Variants in SBK2 observed in about 807,000 individuals in gnomAD.
The protein encoded by SBK2 is serine/threonine-protein kinase SBK2.
SBK2 carries 18 observed loss-of-function variants against 15.9 expected under a neutral mutation model. The observed-to-expected ratio is 1.13, with a 90% confidence interval of 0.78 to 1.68. The LOEUF is 1.68. Ranked by LOEUF, SBK2 falls within the 40% of genes most tolerant of loss-of-function variation. The pLI is 0.00. For synonymous variants in SBK2, 284 were observed against 246.8 expected (o/e 1.15, Z -1.41); for missense variants, 581 against 510.9 (o/e 1.14, Z -1.32).
At position 55,529,806 on chromosome 19, in the gene SBK2, A is replaced by G; in HGVS notation, c.974T>C (p.Leu325Pro). ...CTCCCGCTGCCTCCAGGGGCGCCCC[A>G]GGTGCTCCCTGATGGCGATCACAGC... Reference protein sequence around the residue: ...RSAVIAIREHLGRPWRQREGE... With the variant: ...RSAVIAIREHPGRPWRQREGE... Residue 325 changes from leucine (L) to proline (P), a missense_variant, in exon 4 of 4, where the codon CTG becomes CCG. Physicochemically the swap from Leu to Pro is moderately conservative, Grantham distance 98. Transcript: ENST00000413299. 1 of 1,604,420 alleles carries G rather than the reference A, an allele frequency of 6.2e-7. No individual in the cohort carries two copies. Among genetic ancestry groups the G allele is most frequent in the Non-Finnish European group, 8.5e-7 (1 of 1,179,590 alleles).
At position 55,529,994 on chromosome 19, in the gene SBK2, G is replaced by C; in HGVS notation, c.786C>G (p.Pro262=). ...LLFCLLTGYF[P]WDRPLAEADP... is the part of the protein sequence containing the mutation. ...CGGCCTCGGCCAGGGGCCGGTCCCAGGGGAAGTAGCCCGTGAGGAGGCAGA... is the reference window on the plus strand; with the variant it reads ...CGGCCTCGGCCAGGGGCCGGTCCCACGGGAAGTAGCCCGTGAGGAGGCAGA... Residue 262 remains proline (P), a synonymous_variant, in exon 4 of 4, where the codon CCC becomes CCG. Coordinates refer to ENST00000413299, the MANE Select transcript of SBK2 (RefSeq NM_001370096.2). 3 of 1,525,350 alleles carry C rather than the reference G, an allele frequency of 2.0e-6. No homozygotes were observed. Among genetic ancestry groups the C allele is most frequent in the Non-Finnish European group, 2.6e-6 (3 of 1,138,494 alleles). The allele number at this position is 1,525,350 out of a possible 1,614,324, so 94.5% of individuals were successfully genotyped here.
In SBK2 at chr19:55,529,602, G is replaced by C. The variant is rs890644878; in HGVS notation, c.*131C>G. ...AGGGAGGAATGCAGCCTGCAGAGAG[G>C]AGAGAGGAGGAGGACGCCGAGGGGA... On this transcript the variant is annotated 3_prime_UTR_variant, in exon 4 of 4. Transcript: ENST00000413299. 10 of 799,672 alleles carry C rather than the reference G, an allele frequency of 1.3e-5. No homozygotes were observed. In the African/African-American group the frequency reaches 1.6e-4, roughly 13 times the overall value. The allele number at this position is 799,672 out of a possible 1,614,324, so 49.5% of individuals were successfully genotyped here. A position where few individuals can be genotyped will look rare whatever the true frequency, so the allele number is the denominator to read the frequency against.
chr19:55,537,117 C>T lies in SBK2; in HGVS notation c.-66G>A, dbSNP rs1306549419. 6.5e-6 allele frequency: 1 copy of T among 152,730 alleles called. No individual in the cohort carries two copies. Among genetic ancestry groups the T allele is most frequent in the African/African-American group, 2.4e-5 (1 of 41,464 alleles). The allele number at this position is 152,730 out of a possible 1,614,324, so 9.5% of individuals were successfully genotyped here. ...TGGTCAGTGCCCGGCACTTAGGGCT[C>T]ATGCCAGCAGAGGCCTGCCTAGGAG... On this transcript the variant is annotated 5_prime_UTR_variant, in exon 1 of 4. It removes an upstream start codon present in the reference 5' UTR. Coordinates refer to ENST00000413299, the MANE Select transcript of SBK2 (RefSeq NM_001370096.2).
chr19:55,531,303 G>A lies in SBK2; in HGVS notation c.296C>T (p.Ser99Phe). 1 of 1,612,962 alleles carries A rather than the reference G, an allele frequency of 6.2e-7. No individual in the cohort carries two copies. The highest frequency in any genetic ancestry group is 8.5e-7 in the Non-Finnish European group (1 of 1,179,612). Residue 99 changes from serine to phenylalanine, a missense_variant, in exon 3 of 4, where the codon TCC becomes TTC. Transcript: ENST00000413299. ...ALKQLPKPRT[S>F]LRGFLYEFCV... is the part of the protein sequence containing the mutation. ...GAACTCGTACAGGAAGCCACGGAGG[G>A]ACGTGCGGGGTTTCGGGAGCTGCTT...
rs191800384 is a variant in SBK2 at position 55,528,961 on chromosome 19, G to A, written c.*772C>T. On this transcript the variant is annotated 3_prime_UTR_variant, in exon 4 of 4. Coordinates refer to ENST00000413299, the MANE Select transcript of SBK2 (RefSeq NM_001370096.2). ...AGCAACAGCAGAGTGGGGGGATGAG[G>A]AGGCAGACAGTAAGCATTTACAACG... 3.2e-3 allele frequency among the ~76,000 whole-genome samples: 487 copies of A among 152,306 alleles called. 1 individual carries two copies. Among genetic ancestry groups the A allele is most frequent in the African/African-American group, 0.011 (476 of 41,556 alleles).
At chr19:55,533,246 G>T (rs558317051) in intron 2 of SBK2, among the ~76,000 whole-genome samples, 1 of 151,966 alleles carries the variant, frequency 6.6e-6, no homozygotes, top group African/African-American at 2.4e-5. Flanking sequence ...CAGGAGAATT[G>T]CTTGAACCCA....
chr19:55,533,717 T>C (rs767952826), intron 2 of SBK2, among the ~76,000 whole-genome samples: 1 of 138,610 alleles, frequency 7.2e-6, no homozygotes. Flanking sequence ...TCCTTCCTTA[T>C]CAAAAACACC....
At position 55,536,104 on chromosome 19, in the gene SBK2, T is replaced by C; in HGVS notation, c.191A>G (p.Glu64Gly). 1 of 1,541,728 alleles carries C rather than the reference T, an allele frequency of 6.5e-7. No homozygotes were observed. The highest frequency in any genetic ancestry group is 8.8e-7 in the Non-Finnish European group (1 of 1,140,248). Residue 64 changes from glutamate (E) to glycine (G), a missense_variant, in exon 2 of 4, where the codon GAA becomes GGA. Coordinates refer to ENST00000413299, the MANE Select transcript of SBK2 (RefSeq NM_001370096.2). ...GCAACCCTGGCCCAGGGGACGCACT[T>C]CCTCGTAGAGCTCGTCCACCTCGGC... Reference protein sequence around the residue: ...VRAEVDELYEEVRPLGQGCYG... With the variant: ...VRAEVDELYEGVRPLGQGCYG...
chr19:55,530,359 G>T, intron 3 of SBK2, 36 bp from the exon 4 acceptor site: 1 of 1,394,232 alleles, frequency 7.2e-7, no homozygotes, highest in Non-Finnish European at 9.3e-7. Flanking sequence ...GTGCCCCGGG[G>T]CCACGGAAGG....
intron 2 of SBK2, among the ~76,000 whole-genome samples, chr19:55,535,463 T>G (rs1017617316): frequency 6.6e-6 from 1 of 152,166 alleles, no homozygotes; most frequent in African/African-American, 2.4e-5. Context: ...CCCCAGCAAC[T>G]AGAGCAGTCC....
Position 55,529,680 on chromosome 19 carries a change from C to A in SBK2, c.*53G>T, listed in dbSNP as rs59914207. 433,378 of 1,570,576 alleles carry A rather than the reference C, an allele frequency of 0.28. 62,713 individuals carry two copies. Among genetic ancestry groups the A allele is most frequent in the East Asian group, 0.51 (22,396 of 44,060 alleles). ...CCGAGGAGACACCAAAAGCCGTTGG[C>A]CTTGGGGGCCTCGGGTGGGGCGGCT... On this transcript the variant is annotated 3_prime_UTR_variant, in exon 4 of 4. Coordinates refer to ENST00000413299, the MANE Select transcript of SBK2 (RefSeq NM_001370096.2).
At position 55,529,924 on chromosome 19, in the gene SBK2, G is replaced by T; in HGVS notation, c.856C>A (p.Pro286Thr). The T allele has an allele frequency of 1.3e-6, 2 of 1,533,298 alleles. No individual in the cohort carries two copies. Among genetic ancestry groups the T allele is most frequent in the Non-Finnish European group, 8.7e-7 (1 of 1,143,042 alleles). The allele number at this position is 1,533,298 out of a possible 1,614,324, so 95.0% of individuals were successfully genotyped here. A position where few individuals can be genotyped will look rare whatever the true frequency, so the allele number is the denominator to read the frequency against. The change falls in exon 4 of 4, where the codon CCC becomes ACC. Residue 286 changes from proline (P) to threonine (T), a missense_variant. Pro to Thr is a conservative substitution (Grantham distance 38). Transcript: ENST00000413299. ...AACCAGGGCTGAGGGCGGTCCCGGG[G>T]CTGGCCCGACGCCTGCCAGATGAGG... ...DFLIWQASGQ[P>T]RDRPQPWFGL...
At chr19:55,532,295 C>CTTTTTTTT (rs540857379) in intron 2 of SBK2, among the ~76,000 whole-genome samples, 2 of 77,064 alleles carry the variant, frequency 2.6e-5, no homozygotes, top group Non-Finnish European at 4.8e-5. Flanking sequence ...TGATGTCTTC[C>CTTTTTTTT]TTTTTTTTTT....
In SBK2 at chr19:55,529,382, C is replaced by A. The variant is rs565267353; in HGVS notation, c.*351G>T. Among the ~76,000 whole-genome samples, 262 of 152,188 alleles carry A rather than the reference C, an allele frequency of 1.7e-3. No homozygotes were observed. The highest frequency in any genetic ancestry group is 6.0e-3 in the African/African-American group (249 of 41,534). On this transcript the variant is annotated 3_prime_UTR_variant, in exon 4 of 4. Transcript: ENST00000413299. ...CTGCACTCCAGCCTGGGAGACAGAG[C>A]GAGACCCTGTCTCAAAAAAAATAAA...
intron 2 of SBK2, among the ~76,000 whole-genome samples, chr19:55,532,619 AAG>A: frequency 2.2e-5 from 1 of 46,266 alleles, no homozygotes; most frequent in East Asian, 3.7e-4. Flanking sequence ...TTTTTTTTTT[AAG>A]ACAGGGTCTT....
chr19:55,529,595 C>CAGAGAGG lies in SBK2; in HGVS notation c.*131_*137dup, dbSNP rs71830799. On this transcript the variant is annotated 3_prime_UTR_variant, in exon 4 of 4. Coordinates refer to ENST00000413299, the MANE Select transcript of SBK2 (RefSeq NM_001370096.2). ...TGGACCAAGGGAGGAATGCAGCCTGCAGAGAGGAGAGAGGAGGAGGACGCC... is the reference window on the plus strand; with the variant it reads ...TGGACCAAGGGAGGAATGCAGCCTGCAGAGAGGAGAGAGGAGAGAGGAGGAGGACGCC... 1 of 1,257,428 alleles carries CAGAGAGG rather than the reference C, an allele frequency of 8.0e-7. No homozygotes were observed. Among genetic ancestry groups the CAGAGAGG allele is most frequent in the Non-Finnish European group, 1.1e-6 (1 of 937,648 alleles). The allele number at this position is 1,257,428 out of a possible 1,614,324, so 77.9% of individuals were successfully genotyped here. A position where few individuals can be genotyped will look rare whatever the true frequency, so the allele number is the denominator to read the frequency against.
rs749649082 is a variant in SBK2, at chr19:55,531,283, C to G, written c.316G>C (p.Glu106Gln). The change falls in exon 3 of 4, where the codon GAG becomes CAG. Residue 106 changes from glutamate to glutamine, a missense_variant. Glu to Gln is a conservative substitution (Grantham distance 29). Coordinates refer to ENST00000413299, the MANE Select transcript of SBK2 (RefSeq NM_001370096.2). ...PRTSLRGFLY[E>Q]FCVGLSLGAH... ...CCCAGCGAGAGCCCCACACAGAACT[C>G]GTACAGGAAGCCACGGAGGGACGTG... 6.2e-7 allele frequency: 1 copy of G among 1,613,650 alleles called. No individual in the cohort carries two copies. The highest frequency in any genetic ancestry group is 1.1e-5 in the South Asian group (1 of 91,058).
rs201203472 is a variant in SBK2, at chr19:55,531,451, CTT to C, written c.254-108_254-107del. 2,187 of 853,516 alleles carry C rather than the reference CTT, an allele frequency of 2.6e-3. 28 individuals carry two copies. In the African/African-American group the frequency reaches 0.032, roughly 12 times the overall value. The allele number at this position is 853,516 out of a possible 1,614,324, so 52.9% of individuals were successfully genotyped here. ...CCTCAATGGCCCCTCAGCTTGGACT[CTT>C]TCCCATAGACCATCTCCACCTCCTC... On this transcript the variant is annotated intron_variant, in intron 2 of 3. Coordinates refer to ENST00000413299, the MANE Select transcript of SBK2 (RefSeq NM_001370096.2).
Position 55,534,436 on chromosome 19 carries a change from C to T in SBK2, c.253+1606G>A, listed in dbSNP as rs544334269. On this transcript the variant is annotated intron_variant, in intron 2 of 3. Coordinates refer to ENST00000413299, the MANE Select transcript of SBK2 (RefSeq NM_001370096.2). ...ACAGAGCTCTGTTGTTGGCCAGGCA[C>T]GGTGGCGCACACCTGTAATCCCAGC... Among the ~76,000 whole-genome samples, 6 of 152,234 alleles carry T rather than the reference C, an allele frequency of 3.9e-5. No individual in the cohort carries two copies. In the South Asian group the frequency reaches 6.2e-4, roughly 16 times the overall value.
Sources: allele counts gnomAD v4.1 joint callset (sites outside exome capture counted in the v4.1 genomes callset), GRCh38; gene constraint gnomAD v4.1.1; transcripts MANE v1.5; gene names NCBI Gene and HGNC (gene_info 2026-07-23, HGNC 2026-07-21).